The following IL1RAPL2 variants were observed in gnomAD, a reference collection of about 807,000 sequenced individuals.
IL1RAPL2 encodes the protein X-linked interleukin-1 receptor accessory protein-like 2.
A neutral mutation model predicts 44.1 loss-of-function variants in IL1RAPL2; 3 were observed. The ratio of observed to expected loss-of-function variants is 0.07; its 90% CI spans 0.03 to 0.18. IL1RAPL2 has a LOEUF of 0.18. Ranked by LOEUF, IL1RAPL2 falls within the 10% of genes least tolerant of loss-of-function variation. The probability of loss-of-function intolerance (pLI) is 1.00; values close to 1 mark genes in which losing one functional copy is unlikely to be tolerated. For synonymous variants in IL1RAPL2, 181 were observed against 178.8 expected (o/e 1.01, Z -0.10); for missense variants, 391 against 496.4 (o/e 0.79, Z 2.02).
At chrX:105,455,946 T>C (rs936247269) in intron 5 of IL1RAPL2, among the ~76,000 whole-genome samples, 3 of 112,354 alleles carry the variant, frequency 2.7e-5, no homozygotes, top group African/African-American at 6.5e-5. Context: ...ATTCTTCCTA[T>C]CTATGAGCAT....
intron 5 of IL1RAPL2, among the ~76,000 whole-genome samples, chrX:105,300,731 C>T (rs1603053669): frequency 9.0e-6 from 1 of 111,234 alleles, no homozygotes; most frequent in African/African-American, 3.3e-5. Context: ...CTAGAAGTTT[C>T]ACACATTAAA....
At chrX:105,712,672 C>T (rs1322777770) in intron 6 of IL1RAPL2, among the ~76,000 whole-genome samples, 2 of 111,286 alleles carry the variant, frequency 1.8e-5, no homozygotes, top group Non-Finnish European at 3.8e-5. Context: ...ATGATACAAT[C>T]ACCTCCAACC....
intron 5 of IL1RAPL2, among the ~76,000 whole-genome samples, chrX:105,343,310 G>T (rs1399778899): frequency 3.6e-5 from 4 of 112,071 alleles, no homozygotes; most frequent in African/African-American, 9.7e-5. Context: ...TGTAAAAATA[G>T]AATGAGTTTT....
chrX:104,656,467 C>T (rs1392077758), intron 1 of IL1RAPL2, among the ~76,000 whole-genome samples: 1 of 112,015 alleles, frequency 8.9e-6, no homozygotes, highest in Non-Finnish European at 1.9e-5. Flanking sequence ...TGTTCAGTTT[C>T]CATGTAGTTC....
chrX:105,169,283 G>A (rs937605777), intron 2 of IL1RAPL2, among the ~76,000 whole-genome samples: 3 of 109,448 alleles, frequency 2.7e-5, no homozygotes, highest in Non-Finnish European at 5.7e-5. Flanking sequence ...TTTGTGCTGG[G>A]TGATGATAGT....
chrX:104,936,281 C>T, intron 2 of IL1RAPL2, among the ~76,000 whole-genome samples: 1 of 111,688 alleles, frequency 9.0e-6, no homozygotes, highest in Non-Finnish European at 1.9e-5. Context: ...GGATTATGAA[C>T]TCAATTTAGT....
rs2035834260 is a variant in IL1RAPL2 at position 105,429,626 on chromosome X, G to A, written c.698-54687G>A. Reference sequence around the variant, plus strand: ...GGCAAACAATGCTCTAGTAACCCAGGGGTCAGCGGACATTTTCTGTAAAGG... The same window carrying A: ...GGCAAACAATGCTCTAGTAACCCAGAGGTCAGCGGACATTTTCTGTAAAGG... On this transcript the variant is annotated intron_variant, in intron 5 of 10. Transcript: ENST00000372582. 2.7e-5 allele frequency among the ~76,000 whole-genome samples: 3 copies of A among 111,427 alleles called. No individual in the cohort carries two copies. The Admixed American group carries it at 2.9e-4, about 11-fold the overall frequency.
intron 2 of IL1RAPL2, among the ~76,000 whole-genome samples, chrX:104,893,778 C>G (rs1167697782): frequency 8.1e-5 from 9 of 111,431 alleles, no homozygotes; most frequent in Non-Finnish European, 1.9e-5. Context: ...AGCATTTAGC[C>G]CATTTACGTT....
At chrX:104,908,754 A>C (rs755237217) in intron 2 of IL1RAPL2, among the ~76,000 whole-genome samples, 2 of 108,160 alleles carry the variant, frequency 1.8e-5, no homozygotes, top group East Asian at 5.8e-4. Flanking sequence ...CTTCATTTCA[A>C]CTTTGGTGAA....
At chrX:104,659,296 A>G (rs1432168354) in intron 2 of IL1RAPL2, among the ~76,000 whole-genome samples, 1 of 112,011 alleles carries the variant, frequency 8.9e-6, no homozygotes, top group Non-Finnish European at 1.9e-5. Context: ...GCAAACATTT[A>G]CAAATGAGAA....
chrX:104,909,786 T>A (rs1228033340), intron 2 of IL1RAPL2, among the ~76,000 whole-genome samples: 1 of 112,669 alleles, frequency 8.9e-6, no homozygotes. Context: ...CAGAGGTTAC[T>A]GCTGTCTTTT....
chrX:105,096,896 G>GA (rs1310821955), intron 2 of IL1RAPL2, among the ~76,000 whole-genome samples: 1 of 111,256 alleles, frequency 9.0e-6, no homozygotes, highest in African/African-American at 3.3e-5. Flanking sequence ...AGCACTTTGA[G>GA]AAAAAAATTA....
intron 2 of IL1RAPL2, among the ~76,000 whole-genome samples, chrX:104,754,951 T>C (rs1932318569): frequency 9.0e-6 from 1 of 111,329 alleles, no homozygotes. Context: ...AATGTTGAGG[T>C]TTAAACAAGC....
At chrX:104,591,471 A>C (rs1444093213) in intron 1 of IL1RAPL2, among the ~76,000 whole-genome samples, 1 of 111,960 alleles carries the variant, frequency 8.9e-6, no homozygotes, top group Non-Finnish European at 1.9e-5. Flanking sequence ...AATACTTGCG[A>C]ATAAGCTGTA....
Position 104,863,787 on chromosome X carries a change from G to C in IL1RAPL2, c.82+204792G>C, listed in dbSNP as rs553584936. 7.1e-5 allele frequency among the ~76,000 whole-genome samples: 8 copies of C among 112,142 alleles called. No individual in the cohort carries two copies. In the South Asian group the frequency reaches 3.0e-3, roughly 42 times the overall value. ...CGTATTTATGATGAAAATGGTGTAA[G>C]ACTAAATACTATTTCATGAGCTCCT... On this transcript the variant is annotated intron_variant, in intron 2 of 10. Transcript: ENST00000372582.
At chrX:105,755,395 A>G in intron 10 of IL1RAPL2, 48 bp downstream of exon 10, 4 of 974,406 alleles carry the variant, frequency 4.1e-6, no homozygotes, top group Non-Finnish European at 5.7e-6. Flanking sequence ...TTCTTTTAGG[A>G]TGTTATGTGA....
At chrX:105,448,512 C>T (rs1337018310) in intron 5 of IL1RAPL2, among the ~76,000 whole-genome samples, 1 of 110,034 alleles carries the variant, frequency 9.1e-6, no homozygotes, top group African/African-American at 3.3e-5. Flanking sequence ...TTACAGGTGC[C>T]CACCACCATG....
chrX:104,683,355 AAAT>A (rs1226057701), intron 2 of IL1RAPL2, among the ~76,000 whole-genome samples: 1 of 111,470 alleles, frequency 9.0e-6, no homozygotes, highest in Admixed American at 9.6e-5. Flanking sequence ...CTCATGAAAA[AAAT>A]AATGAGGGGT....
At chrX:104,941,893 G>C (rs1569347158) in intron 2 of IL1RAPL2, among the ~76,000 whole-genome samples, 1 of 111,787 alleles carries the variant, frequency 8.9e-6, no homozygotes, top group African/African-American at 3.3e-5. Context: ...ATAAGGAAGG[G>C]ATCCAGATTC....
Sources: gnomAD v4.1 joint callset for allele counts (sites outside exome capture counted in the v4.1 genomes callset) on GRCh38, gnomAD v4.1.1 for gene constraint, MANE v1.5 for transcripts, NCBI Gene and HGNC (gene_info 2026-07-23, HGNC 2026-07-21) for gene names.